The following MAP3K15 variants were observed in gnomAD, a reference collection of about 807,000 sequenced individuals.
The protein encoded by MAP3K15 is MAPK/ERK kinase kinase 15.
In MAP3K15, 124 loss-of-function variants were observed where a neutral mutation model predicts 99.5. The ratio of observed to expected loss-of-function variants is 1.25; its 90% CI spans 1.08 to 1.45. The LOEUF is 1.45. MAP3K15 is among the 40% of genes most tolerant of loss of function. MAP3K15 has a pLI of 0.00. For synonymous variants in MAP3K15, 494 were observed against 439.6 expected, an observed-to-expected ratio of 1.12 and a Z score of -1.55; for missense variants, 1,242 against 1,079.7, an observed-to-expected ratio of 1.15 and a Z score of -2.11.
At chrX:19,403,108 T>C (rs2063620633) in intron 13 of MAP3K15, among the ~76,000 whole-genome samples, 1 of 111,792 alleles carries the variant, frequency 8.9e-6, no homozygotes, top group South Asian at 3.7e-4. Context: ...TTAATGACTG[T>C]GAAGGGGCAC....
chrX:19,488,815 G>A lies in MAP3K15; in HGVS notation c.501+13C>T. 1.7e-6 allele frequency: 2 copies of A among 1,192,918 alleles called. No homozygotes were observed. On this transcript the variant is annotated intron_variant, in intron 2 of 28. Coordinates refer to ENST00000338883, the MANE Select transcript of MAP3K15 (RefSeq NM_001001671.4). ...CAAAACAAAGTACTCAGGAGAAGGT[G>A]AATACACTGTACCTTCAAAGAGAGA...
chrX:19,365,103 G>A (rs755924796), intron 25 of MAP3K15, among the ~76,000 whole-genome samples: 1 of 108,890 alleles, frequency 9.2e-6, no homozygotes, highest in Non-Finnish European at 1.9e-5. Flanking sequence ...ACTCGGGAGG[G>A]GAGACTGAGG....
chrX:19,475,886 A>G (rs1053305311), intron 3 of MAP3K15, among the ~76,000 whole-genome samples: 1 of 112,132 alleles, frequency 8.9e-6, no homozygotes, highest in Non-Finnish European at 1.9e-5. Flanking sequence ...GGGGTTGGCT[A>G]TATTTTCCTT....
intron 9 of MAP3K15, among the ~76,000 whole-genome samples, chrX:19,424,193 T>TATAC (rs1555952877): frequency 1.5e-4 from 16 of 106,638 alleles, no homozygotes; most frequent in Admixed American, 5.2e-4. Context: ...CATGTATATA[T>TATAC]ACACACACAC....
At chrX:19,484,251 G>A (rs1384254194) in intron 3 of MAP3K15, among the ~76,000 whole-genome samples, 1 of 111,266 alleles carries the variant, frequency 9.0e-6, no homozygotes, top group Admixed American at 9.6e-5. Context: ...GGTGACATTA[G>A]ATTCTTACAG....
At chrX:19,371,097 A>C (rs779590671) in intron 23 of MAP3K15, 33 bp from the exon 24 acceptor site, 20 of 1,032,434 alleles carry the variant, frequency 1.9e-5, no homozygotes, top group Non-Finnish European at 2.4e-5. Flanking sequence ...AATAAACTAA[A>C]ATCACAAAAA....
Position 19,369,154 on chromosome X carries a change from C to T in MAP3K15, c.3466G>A (p.Glu1156Lys), listed in dbSNP as rs760471862. 1.7e-6 allele frequency: 2 copies of T among 1,211,168 alleles called. No individual in the cohort carries two copies. Among genetic ancestry groups the T allele is most frequent in the Admixed American group, 4.3e-5 (2 of 45,979 alleles). Residue 1156 changes from glutamate to lysine, a missense_variant, in exon 25 of 29, where the codon GAA becomes AAA. Glu to Lys is a moderately conservative substitution (Grantham distance 56). Coordinates refer to ENST00000338883, the MANE Select transcript of MAP3K15 (RefSeq NM_001001671.4). ...EGVDKDMDEAEEGYPPATGPG... is the reference protein window; with the variant it reads ...EGVDKDMDEAKEGYPPATGPG... ...CCGGTGGCTGGGGGATAGCCCTCTT[C>T]CGCTTCATCCATGTCCTTATCTACC...
At chrX:19,435,934 AC>A (rs1431280895) in intron 6 of MAP3K15, among the ~76,000 whole-genome samples, 1 of 111,930 alleles carries the variant, frequency 8.9e-6, no homozygotes, top group African/African-American at 3.2e-5. Context: ...CGGGCAGATT[AC>A]CTGAGGTCAG....
In MAP3K15 at chrX:19,393,666, C is replaced by T. The variant is rs767380105; in HGVS notation, c.2195-1193G>A. Among the ~76,000 whole-genome samples, 13 of 106,867 alleles carry T rather than the reference C, an allele frequency of 1.2e-4. No homozygotes were observed. In the East Asian group the frequency reaches 1.5e-3, roughly 12 times the overall value. The allele number at this position is 106,867 out of a possible 115,157, so 92.8% of individuals were successfully genotyped here. A position where few individuals can be genotyped will look rare whatever the true frequency, so the allele number is the denominator to read the frequency against. ...AAAAAAAAGAAAAAGCAGCAATGGA[C>T]GAGTTTTCTGATAGACTATGACCAA... On this transcript the variant is annotated intron_variant, in intron 16 of 28. Transcript: ENST00000338883.
Position 19,417,637 on chromosome X carries a change from G to C in MAP3K15, c.1440-2380C>G, listed in dbSNP as rs766704340. 2.7e-5 allele frequency among the ~76,000 whole-genome samples: 3 copies of C among 112,070 alleles called. No homozygotes were observed. In the East Asian group the frequency reaches 8.4e-4, roughly 32 times the overall value. On this transcript the variant is annotated intron_variant, in intron 9 of 28. Coordinates refer to ENST00000338883, the MANE Select transcript of MAP3K15 (RefSeq NM_001001671.4). ...GGGGGCAGGGCACAGCCAGACAAAA[G>C]GCATCAGAATCCTCTGCAGACTTAA...
At chrX:19,491,465 C>T (rs945221290) in intron 1 of MAP3K15, among the ~76,000 whole-genome samples, 20 of 109,850 alleles carry the variant, frequency 1.8e-4, no homozygotes, top group Non-Finnish European at 3.2e-4. Flanking sequence ...CTGTAAGAGT[C>T]AGGCAGGCAA....
chrX:19,458,319 T>A (rs991830155), intron 5 of MAP3K15, among the ~76,000 whole-genome samples: 4 of 112,356 alleles, frequency 3.6e-5, no homozygotes, highest in Admixed American at 2.8e-4. Context: ...AGAAAAGTCA[T>A]TCCCATGTTC....
intron 3 of MAP3K15, among the ~76,000 whole-genome samples, chrX:19,474,968 G>A (rs1249607348): frequency 9.0e-6 from 1 of 111,172 alleles, no homozygotes; most frequent in Non-Finnish European, 1.9e-5. Context: ...CTGGTTTCAT[G>A]GAAAAAAATT....
At position 19,409,582 on chromosome X, in the gene MAP3K15, T is replaced by TAGG. The variant is rs1364714775; in HGVS notation, c.1748+341_1748+342insCCT. On this transcript the variant is annotated intron_variant, in intron 12 of 28. Transcript: ENST00000338883. Reference sequence around the variant, plus strand: ...CCGAGTGTTGCCACTAATCATCTCCTGGCTTCAGTTCTCAGAGTCACTGAG... The same window carrying TAGG: ...CCGAGTGTTGCCACTAATCATCTCCTAGGGGCTTCAGTTCTCAGAGTCACTGAG... Among the ~76,000 whole-genome samples, 7 of 112,031 alleles carry TAGG rather than the reference T, an allele frequency of 6.2e-5. No homozygotes were observed. In the East Asian group the frequency reaches 1.7e-3, roughly 27 times the overall value.
chrX:19,360,738 G>A lies in MAP3K15; in HGVS notation c.*11C>T, dbSNP rs765681576. 5.9e-6 allele frequency: 7 copies of A among 1,190,771 alleles called. No homozygotes were observed. In the East Asian group the frequency reaches 1.2e-4, roughly 20 times the overall value. ...TGGTGGGACACTCTGCCACAGCTTA[G>A]CTGATTGGTATCAAGCCTTGTCTTT... On this transcript the variant is annotated 3_prime_UTR_variant, in exon 29 of 29. Coordinates refer to ENST00000338883, the MANE Select transcript of MAP3K15 (RefSeq NM_001001671.4).
At position 19,505,131 on chromosome X, in the gene MAP3K15, T is replaced by C. The variant is rs746842207; in HGVS notation, c.361+9770A>G. ...GATGAAACCATGAAGGAAGATAAAA[T>C]GTCTCCACCCACCCCCACGCCAAGC... is the stretch of plus-strand genomic sequence containing the variant. On this transcript the variant is annotated intron_variant, in intron 1 of 28. Coordinates refer to ENST00000338883, the MANE Select transcript of MAP3K15 (RefSeq NM_001001671.4). Among the ~76,000 whole-genome samples the C allele has an allele frequency of 2.7e-5, 3 of 109,961 alleles. No individual in the cohort carries two copies. In the South Asian group the frequency reaches 1.2e-3, roughly 43 times the overall value.
chrX:19,396,388 G>A (rs920065864), intron 15 of MAP3K15, among the ~76,000 whole-genome samples: 1 of 111,971 alleles, frequency 8.9e-6, no homozygotes, highest in Non-Finnish European at 1.9e-5. Flanking sequence ...AAGGAGATGG[G>A]ACATGCCAGA....
At chrX:19,460,552 T>G in intron 4 of MAP3K15, among the ~76,000 whole-genome samples, 1 of 110,647 alleles carries the variant, frequency 9.0e-6, no homozygotes, top group Non-Finnish European at 1.9e-5. Context: ...GAAACATACA[T>G]GAGAATGACT....
chrX:19,468,608 G>A (rs182659388), intron 3 of MAP3K15, among the ~76,000 whole-genome samples: 1 of 112,014 alleles, frequency 8.9e-6, no homozygotes, highest in Non-Finnish European at 1.9e-5. Context: ...CCTTTAAGAA[G>A]TGACATCATA....
Sources: gnomAD v4.1 joint callset for allele counts (sites outside exome capture counted in the v4.1 genomes callset) on GRCh38, gnomAD v4.1.1 for gene constraint, MANE v1.5 for transcripts, NCBI Gene and HGNC (gene_info 2026-07-23, HGNC 2026-07-21) for gene names.